Variants in LEPR observed in about 807,000 individuals in gnomAD.
LEPR encodes leptin receptor.
LEPR carries 56 observed loss-of-function variants against 114.7 expected under a neutral mutation model. That is an observed-to-expected ratio of 0.49 (90% CI 0.39 to 0.61). The LOEUF (loss-of-function observed/expected upper bound fraction) is 0.61, where lower values mean the gene tolerates loss of function less well. Ranked by LOEUF, LEPR falls within the 20% of genes least tolerant of loss-of-function variation. LEPR has a pLI of 0.00. For synonymous variants in LEPR, 443 were observed against 461.4 expected (o/e 0.96, Z 0.51); for missense variants, 1,202 against 1,352.9 (o/e 0.89, Z 1.75).
At chr1:65,544,247 A>G (rs1286406925) in intron 2 of LEPR, among the ~76,000 whole-genome samples, 4 of 151,832 alleles carry the variant, frequency 2.6e-5, no homozygotes, top group Non-Finnish European at 5.9e-5. Flanking sequence ...CTGTTTGCCT[A>G]TTATTGGTGT....
At chr1:65,421,145 C>T (rs1468940622) in intron 1 of LEPR, among the ~76,000 whole-genome samples, 2 of 152,218 alleles carry the variant, frequency 1.3e-5, no homozygotes, top group African/African-American at 2.4e-5. Flanking sequence ...TTGTCTCCAG[C>T]GTTCTTAGCA....
intron 2 of LEPR, among the ~76,000 whole-genome samples, chr1:65,535,387 A>G (rs1650693913): frequency 1.3e-5 from 2 of 151,120 alleles, no homozygotes; most frequent in African/African-American, 4.9e-5. Flanking sequence ...TTTTTTTAAG[A>G]CAGTGTCTCG....
chr1:65,570,340 A>G (rs1654065559), intron 3 of LEPR, 133 bp from the exon 4 acceptor site: 1 of 805,068 alleles, frequency 1.2e-6, no homozygotes, highest in Non-Finnish European at 1.9e-6. Flanking sequence ...AAAGTTATTC[A>G]TTAGACACTC....
At chr1:65,618,684 C>T (rs1657688035) in intron 16 of LEPR, among the ~76,000 whole-genome samples, 1 of 151,956 alleles carries the variant, frequency 6.6e-6, no homozygotes, top group African/African-American at 2.4e-5. Context: ...CAGGGGTTAT[C>T]ATATCATATC....
At chr1:65,531,377 C>T (rs140408164) in intron 2 of LEPR, among the ~76,000 whole-genome samples, 1 of 151,774 alleles carries the variant, frequency 6.6e-6, no homozygotes, top group East Asian at 1.9e-4. Flanking sequence ...TCCATATCTT[C>T]TTACCTTGTA....
chr1:65,505,491 TG>T (rs1648678426), intron 2 of LEPR, among the ~76,000 whole-genome samples: 3 of 152,212 alleles, frequency 2.0e-5, no homozygotes, highest in South Asian at 2.1e-4. Context: ...GCTGACTCTA[TG>T]GACTGCAATC....
At chr1:65,476,925 T>C (rs941403286) in intron 2 of LEPR, among the ~76,000 whole-genome samples, 1 of 152,094 alleles carries the variant, frequency 6.6e-6, no homozygotes, top group Non-Finnish European at 1.5e-5. Context: ...CTTGGTGGGG[T>C]CTTTTAAGAA....
intron 1 of LEPR, chr1:65,421,573 G>A: frequency 1.7e-6 from 2 of 1,204,686 alleles, no homozygotes; most frequent in Non-Finnish European, 1.2e-6. Flanking sequence ...GTTAACATCT[G>A]CTATAAACAT....
intron 2 of LEPR, among the ~76,000 whole-genome samples, chr1:65,451,931 G>A (rs1646791411): frequency 6.6e-6 from 1 of 151,404 alleles, no homozygotes; most frequent in Non-Finnish European, 1.5e-5. Flanking sequence ...TCTTCCATTT[G>A]TTTGTATCCT....
Position 65,445,602 on chromosome 1 carries a change from T to A in LEPR, c.-21+20224T>A, listed in dbSNP as rs569558014. Among the ~76,000 whole-genome samples the A allele has an allele frequency of 2.0e-5, 3 of 152,328 alleles. No individual in the cohort carries two copies. The South Asian group carries it at 6.2e-4, about 32-fold the overall frequency. ...CAGGATCAGCCAATACTTGTTTTTCTGTGGAGCTTTTGGTGATTACTTTAA... is the reference window on the plus strand; with the variant it reads ...CAGGATCAGCCAATACTTGTTTTTCAGTGGAGCTTTTGGTGATTACTTTAA... On this transcript the variant is annotated intron_variant, in intron 2 of 19. Coordinates refer to ENST00000349533, the MANE Select transcript of LEPR (RefSeq NM_002303.6).
At chr1:65,440,652 C>G (rs1241437893) in intron 2 of LEPR, among the ~76,000 whole-genome samples, 1 of 152,020 alleles carries the variant, frequency 6.6e-6, no homozygotes, top group African/African-American at 2.4e-5. Flanking sequence ...CTGGAGCGTA[C>G]CTGTGAGCTG....
chr1:65,498,501 C>A (rs1397383737), intron 2 of LEPR, among the ~76,000 whole-genome samples: 2 of 151,976 alleles, frequency 1.3e-5, no homozygotes, highest in Admixed American at 6.6e-5. Flanking sequence ...CATAATGACC[C>A]AAGAATGACG....
chr1:65,523,597 C>T (rs1382365350), intron 2 of LEPR, among the ~76,000 whole-genome samples: 2 of 152,176 alleles, frequency 1.3e-5, no homozygotes, highest in East Asian at 1.9e-4. Flanking sequence ...AGGCATGAGC[C>T]ACCATGCCCG....
At chr1:65,603,921 A>G (rs568857849) in intron 10 of LEPR, among the ~76,000 whole-genome samples, 1 of 152,170 alleles carries the variant, frequency 6.6e-6, no homozygotes, top group East Asian at 1.9e-4. Flanking sequence ...TCACATACAT[A>G]TCTGAAATTG....
At chr1:65,432,456 A>C in intron 2 of LEPR, 6 of 633,178 alleles carry the variant, frequency 9.5e-6, no homozygotes, top group Non-Finnish European at 1.2e-5. Context: ...TTGTATGCAC[A>C]TGAAAGTTTG....
In LEPR at chr1:65,621,363, A is replaced by C; in HGVS notation, c.2502A>C (p.Glu834Asp). The change falls in exon 18 of 20, where the codon GAA (glutamate) becomes GAC (aspartate). Residue 834 changes from glutamate (E) to aspartate (D), a missense_variant. Glu to Asp is a conservative substitution (Grantham distance 45). Coordinates refer to ENST00000349533, the MANE Select transcript of LEPR (RefSeq NM_002303.6). ...GTATTTCTTTTTCAGATGATATTGA[A>C]AAACACCAGAGTGATGCAGGTTTAT... ...IINSFTQDDI[E>D]KHQSDAGLYV... The C allele has an allele frequency of 6.2e-7, 1 of 1,613,156 alleles. No individual in the cohort carries two copies. The highest frequency in any genetic ancestry group is 8.5e-7 in the Non-Finnish European group (1 of 1,179,470).
intron 2 of LEPR, among the ~76,000 whole-genome samples, chr1:65,538,731 T>A (rs977620563): frequency 6.6e-6 from 1 of 152,082 alleles, no homozygotes. Context: ...TGGAATCTTT[T>A]CTTATATTCT....
intron 14 of LEPR, 45 bp downstream of exon 14, chr1:65,610,341 C>CT: frequency 6.8e-7 from 1 of 1,474,954 alleles, no homozygotes; most frequent in Non-Finnish European, 9.3e-7. Context: ...TTTTTATACT[C>CT]TTAAAAATTT....
In LEPR at chr1:65,534,922, T is replaced by C. The variant is rs11208664; in HGVS notation, c.-20-30624T>C. ...GTGAGGGTGGAGGACAACTTAGTTT[T>C]TCTCAGAATTAATTATACTTTCTTA... is the stretch of plus-strand genomic sequence containing the variant. On this transcript the variant is annotated intron_variant, in intron 2 of 19. Transcript: ENST00000349533. Among the ~76,000 whole-genome samples the C allele has an allele frequency of 9.1e-3, 1,380 of 152,318 alleles. 22 individuals carry two copies. The highest frequency in any genetic ancestry group is 0.032 in the African/African-American group (1,316 of 41,578).
Sources: gnomAD v4.1 joint callset for allele counts (sites outside exome capture counted in the v4.1 genomes callset) on GRCh38, gnomAD v4.1.1 for gene constraint, MANE v1.5 for transcripts, NCBI Gene and HGNC (gene_info 2026-07-23, HGNC 2026-07-21) for gene names.